The following GNAQ variants were observed in gnomAD, a reference collection of about 807,000 sequenced individuals.
GNAQ encodes guanine nucleotide-binding protein G(q) subunit alpha.
GNAQ carries 8 observed loss-of-function variants against 43.9 expected under a neutral mutation model. The ratio of observed to expected loss-of-function variants is 0.18; its 90% CI spans 0.11 to 0.33. The LOEUF (loss-of-function observed/expected upper bound fraction) is 0.33. Among genes scored for constraint, GNAQ ranks in the 10% least tolerant of loss-of-function variants. GNAQ has a pLI of 1.00. For synonymous variants in GNAQ, 155 were observed against 170.7 expected, an observed-to-expected ratio of 0.91 and a Z score of 0.71; for missense variants, 158 against 450.8, an observed-to-expected ratio of 0.35 and a Z score of 5.88.
chr9:77,808,869 AAAAACAAAAC>A (rs568207074), intron 3 of GNAQ, among the ~76,000 whole-genome samples: 12 of 151,676 alleles, frequency 7.9e-5, no homozygotes, highest in Non-Finnish European at 1.2e-4. Flanking sequence ...TAAACTTAAA[AAAAACAAAAC>A]AAAACAAAAC....
intron 5 of GNAQ, among the ~76,000 whole-genome samples, chr9:77,785,318 A>G (rs1554715788): frequency 1.3e-5 from 2 of 152,172 alleles, no homozygotes; most frequent in Non-Finnish European, 2.9e-5. Flanking sequence ...TGGAAGAGAA[A>G]AAGAAGAGAT....
chr9:77,815,548 GATA>G, intron 3 of GNAQ, 65 bp downstream of exon 3: 5 of 993,292 alleles, frequency 5.0e-6, no homozygotes, highest in Non-Finnish European at 7.7e-6. Context: ...AAGAAGTTAT[GATA>G]ATCATAAAAC....
intron 5 of GNAQ, among the ~76,000 whole-genome samples, chr9:77,757,546 G>A (rs558548636): frequency 1.5e-4 from 23 of 152,250 alleles, no homozygotes; most frequent in Admixed American, 1.2e-3. Flanking sequence ...AGAGCCCAGC[G>A]TCTGCTTTTA....
At chr9:77,991,513 G>A (rs1222249299) in intron 1 of GNAQ, among the ~76,000 whole-genome samples, 1 of 151,992 alleles carries the variant, frequency 6.6e-6, no homozygotes, top group Non-Finnish European at 1.5e-5. Flanking sequence ...CATCTCCATG[G>A]CCCTGCTCAT....
intron 2 of GNAQ, among the ~76,000 whole-genome samples, chr9:77,881,374 T>C (rs1045117344): frequency 6.6e-6 from 1 of 152,106 alleles, no homozygotes; most frequent in African/African-American, 2.4e-5. Context: ...AAGTGTCCCA[T>C]TGGTTGAATA....
At chr9:77,761,232 G>A (rs1332711368) in intron 5 of GNAQ, among the ~76,000 whole-genome samples, 8 of 143,850 alleles carry the variant, frequency 5.6e-5, no homozygotes, top group African/African-American at 1.3e-4. Context: ...GGGAAGTGAG[G>A]AGCCCCTCTG....
At chr9:77,826,436 A>C (rs1362763550) in intron 2 of GNAQ, among the ~76,000 whole-genome samples, 1 of 152,158 alleles carries the variant, frequency 6.6e-6, no homozygotes, top group Admixed American at 6.5e-5. Context: ...TCCATTAAAA[A>C]ACGTGCACCT....
At chr9:77,972,425 T>A (rs150292786) in intron 1 of GNAQ, among the ~76,000 whole-genome samples, 98 of 152,194 alleles carry the variant, frequency 6.4e-4, no homozygotes, top group African/African-American at 2.2e-3. Flanking sequence ...TTTTTTCCTT[T>A]GTTCACAAAA....
intron 1 of GNAQ, among the ~76,000 whole-genome samples, chr9:78,008,805 G>T (rs1168628597): frequency 6.6e-6 from 1 of 152,118 alleles, no homozygotes; most frequent in Non-Finnish European, 1.5e-5. Context: ...TTTCAGTAGA[G>T]ACAGGGTTTC....
intron 5 of GNAQ, among the ~76,000 whole-genome samples, chr9:77,779,523 T>A (rs1475016041): frequency 6.6e-6 from 1 of 151,114 alleles, no homozygotes; most frequent in Non-Finnish European, 1.5e-5. Context: ...GCAAAGTAAA[T>A]CCGAAGTATG....
intron 4 of GNAQ, among the ~76,000 whole-genome samples, chr9:77,795,264 C>T (rs1826638543): frequency 6.6e-6 from 1 of 152,086 alleles, no homozygotes. Context: ...ATCATGTGAA[C>T]CATTTCAATC....
At chr9:77,775,243 G>A (rs1294002486) in intron 5 of GNAQ, among the ~76,000 whole-genome samples, 1 of 152,094 alleles carries the variant, frequency 6.6e-6, no homozygotes, top group Non-Finnish European at 1.5e-5. Context: ...TTTGGGACAT[G>A]TAACCTACTA....
intron 2 of GNAQ, among the ~76,000 whole-genome samples, chr9:77,835,649 A>C (rs768817259): frequency 2.0e-5 from 3 of 152,200 alleles, no homozygotes; most frequent in Non-Finnish European, 4.4e-5. Flanking sequence ...GTATGCATTT[A>C]ATCTATACAG....
chr9:77,802,841 G>A (rs1352228006), intron 3 of GNAQ, among the ~76,000 whole-genome samples: 1 of 152,152 alleles, frequency 6.6e-6, no homozygotes, highest in Non-Finnish European at 1.5e-5. Context: ...AGATTTAGCT[G>A]CTTAAACCCA....
In GNAQ at chr9:78,031,138, T is replaced by C; in HGVS notation, c.98A>G (p.Lys33Arg). The C allele has an allele frequency of 1.3e-6, 2 of 1,539,928 alleles. No individual in the cohort carries two copies. Among genetic ancestry groups the C allele is most frequent in the Non-Finnish European group, 1.7e-6 (2 of 1,144,134 alleles). ...CTTGAGCTCCCGGCGGGCGTCCCGC[T>C]TGTCCCTGCGGAGCTGCCGCTCGAT... ...DEIERQLRRD[K>R]RDARRELKLL... Residue 33 changes from lysine to arginine, a missense_variant, in exon 1 of 7, where the codon AAG (lysine) becomes AGG (arginine). Coordinates refer to ENST00000286548, the MANE Select transcript of GNAQ (RefSeq NM_002072.5).
intron 3 of GNAQ, among the ~76,000 whole-genome samples, chr9:77,807,148 TTAAC>T (rs1826841804): frequency 1.3e-5 from 2 of 152,170 alleles, no homozygotes; most frequent in Admixed American, 1.3e-4. Flanking sequence ...TGAAAAGACT[TTAAC>T]CTGATAATGA....
At chr9:77,881,227 T>A (rs1171183757) in intron 2 of GNAQ, among the ~76,000 whole-genome samples, 2 of 152,194 alleles carry the variant, frequency 1.3e-5, no homozygotes, top group Admixed American at 1.3e-4. Flanking sequence ...TATTCACACC[T>A]ACACAGACAC....
At chr9:77,796,743 G>T (rs1826665384) in intron 4 of GNAQ, among the ~76,000 whole-genome samples, 2 of 151,948 alleles carry the variant, frequency 1.3e-5, no homozygotes, top group Non-Finnish European at 1.5e-5. Context: ...TATTTTTCTT[G>T]CTACTGAAAA....
chr9:77,758,417 G>C (rs1033177469), intron 5 of GNAQ, among the ~76,000 whole-genome samples: 2 of 152,116 alleles, frequency 1.3e-5, no homozygotes, highest in African/African-American at 4.8e-5. Flanking sequence ...AGAAAAACTA[G>C]ATGTATATTT....
Sources: gnomAD v4.1 joint callset for allele counts (sites outside exome capture counted in the v4.1 genomes callset) on GRCh38, gnomAD v4.1.1 for gene constraint, MANE v1.5 for transcripts, NCBI Gene and HGNC (gene_info 2026-07-23, HGNC 2026-07-21) for gene names.